NUDCD1: variants seen among roughly 807,000 people sequenced by gnomAD.
The protein encoded by NUDCD1 is NudC domain containing 1, also known as nudC domain-containing protein 1.
NUDCD1 carries 60 observed loss-of-function variants against 67.8 expected under a neutral mutation model. The ratio of observed to expected loss-of-function variants is 0.88; its 90% confidence interval spans 0.72 to 1.10. NUDCD1 has a LOEUF of 1.10. Ranked by LOEUF, NUDCD1 falls within the 50% of genes least tolerant of loss-of-function variation. NUDCD1 has a pLI of 0.00. For synonymous variants in NUDCD1, 244 were observed against 230.8 expected, an observed-to-expected ratio of 1.06 and a Z score of -0.52; for missense variants, 643 against 695.0, an observed-to-expected ratio of 0.93 and a Z score of 0.84.
chr8:109,278,774 G>A (rs997652553), intron 6 of NUDCD1, among the ~76,000 whole-genome samples: 1 of 152,138 alleles, frequency 6.6e-6, no homozygotes, highest in Admixed American at 6.5e-5. Flanking sequence ...TATACCACAC[G>A]TACTTATCCA....
In NUDCD1 at chr8:109,322,354, G is replaced by A. The variant is rs1479393301; in HGVS notation, c.228C>T (p.Tyr76=). The A allele has an allele frequency of 6.3e-7, 1 of 1,581,332 alleles. No individual in the cohort carries two copies. The highest frequency in any genetic ancestry group is 1.7e-5 in the Admixed American group (1 of 59,904). The change falls in exon 2 of 10, where the codon TAC becomes TAT. Residue 76 remains tyrosine (Y), a synonymous_variant. Coordinates refer to ENST00000239690, the MANE Select transcript of NUDCD1 (RefSeq NM_032869.4). ...HCDSWYQDSV[Y]YIDTLGRIMN... is the part of the protein sequence containing the mutation. ...TAATTCTTCCAAGGGTATCAATATA[G>A]TAGACACTGTCTTGATACCATGAAT...
intron 1 of NUDCD1, among the ~76,000 whole-genome samples, chr8:109,325,884 C>G (rs148012104): frequency 6.6e-6 from 1 of 152,174 alleles, no homozygotes; most frequent in Non-Finnish European, 1.5e-5. Flanking sequence ...AAAGCTATTG[C>G]AATCATCTGG....
Position 109,285,075 on chromosome 8 carries a change from TA to T in NUDCD1, c.824-3904del, listed in dbSNP as rs1814543390. Among the ~76,000 whole-genome samples, 3 of 150,806 alleles carry T rather than the reference TA, an allele frequency of 2.0e-5. No individual in the cohort carries two copies. In the South Asian group the frequency reaches 6.2e-4, roughly 31 times the overall value. ...AACTAGAAAATCCAGAGAAAATGGA[TA>T]AATTCCTAGAAACACAATCTCCCAA... On this transcript the variant is annotated intron_variant, in intron 5 of 9. Coordinates refer to ENST00000239690, the MANE Select transcript of NUDCD1 (RefSeq NM_032869.4).
In NUDCD1 at chr8:109,322,407, A is replaced by C. The variant is rs1321496310; in HGVS notation, c.175T>G (p.Phe59Val). 2.5e-6 allele frequency: 4 copies of C among 1,605,926 alleles called. No individual in the cohort carries two copies. The highest frequency in any genetic ancestry group is 3.4e-6 in the Non-Finnish European group (4 of 1,173,284). ...CAGTGCAGGTAATTATACATTCCAA[A>C]AGCATGCATGTGTTCCAGTGTATAT... ...DQYTLEHMHAFGMYNYLHCDS... is the reference protein window; with the variant it reads ...DQYTLEHMHAVGMYNYLHCDS... The change falls in exon 2 of 10, where the codon TTT (phenylalanine) becomes GTT (valine). Residue 59 changes from phenylalanine (F) to valine (V), a missense_variant. Coordinates refer to ENST00000239690, the MANE Select transcript of NUDCD1 (RefSeq NM_032869.4).
chr8:109,312,298 C>CAAAAAAAAA lies in NUDCD1; in HGVS notation c.273+10002_273+10010dup, dbSNP rs5893951. ...CCCGGGCAACAGAGCGAGACACTGT[C>CAAAAAAAAA]AAAAAAAAAAAAAAAAAAAAAAGCC... On this transcript the variant is annotated intron_variant, in intron 2 of 9. Transcript: ENST00000239690. Among the ~76,000 whole-genome samples, 2 of 82,608 alleles carry CAAAAAAAAA rather than the reference C, an allele frequency of 2.4e-5. 1 individual carries two copies. The highest frequency in any genetic ancestry group is 9.3e-5 in the African/African-American group (2 of 21,442). The allele number at this position is 82,608 out of a possible 152,430, so 54.2% of individuals were successfully genotyped here.
Position 109,279,392 on chromosome 8 carries a change from C to T in NUDCD1, c.1028+1576G>A, listed in dbSNP as rs548962732. ...TTTGATGTGCTTACTAGCTGTTCATCTATCTTCTATTGTGACATGTCTATT... is the reference window on the plus strand; with the variant it reads ...TTTGATGTGCTTACTAGCTGTTCATTTATCTTCTATTGTGACATGTCTATT... On this transcript the variant is annotated intron_variant, in intron 6 of 9. Transcript: ENST00000239690. Among the ~76,000 whole-genome samples, 3 of 152,248 alleles carry T rather than the reference C, an allele frequency of 2.0e-5. No homozygotes were observed. The South Asian group carries it at 6.2e-4, about 32-fold the overall frequency.
intron 2 of NUDCD1, among the ~76,000 whole-genome samples, chr8:109,309,205 T>A (rs1815180970): frequency 6.6e-6 from 1 of 150,932 alleles, no homozygotes; most frequent in African/African-American, 2.5e-5. Flanking sequence ...GATGCTATAA[T>A]CCTTAACAAA....
rs778890090 is a variant in NUDCD1 at position 109,243,270 on chromosome 8, T to A, written c.1491A>T (p.Lys497Asn). 51 of 1,600,472 alleles carry A rather than the reference T, an allele frequency of 3.2e-5. No individual in the cohort carries two copies. The highest frequency in any genetic ancestry group is 1.7e-5 in the Admixed American group (1 of 59,492). ...AGTAATTTGGAGCACAGGCAAAAAA[T>A]TTTTTGTCTCTCTTTGATGCTTGGA... ...GYVQASKRDK[K>N]FFACAPNYSY... The change falls in exon 10 of 10, where the codon AAA (lysine) becomes AAT (asparagine). Residue 497 changes from lysine to asparagine, a missense_variant. Lys to Asn is a moderately conservative substitution (Grantham distance 94, BLOSUM62 0). Transcript: ENST00000239690.
chr8:109,302,011 T>C (rs1265959293), intron 2 of NUDCD1, among the ~76,000 whole-genome samples: 3 of 152,072 alleles, frequency 2.0e-5, no homozygotes, highest in Admixed American at 6.5e-5. Flanking sequence ...GCTCACTACC[T>C]CCCTTCTCCC....
At chr8:109,311,557 G>GTATATATATATATATATATATATA (rs569380890) in intron 2 of NUDCD1, among the ~76,000 whole-genome samples, 36 of 62,680 alleles carry the variant, frequency 5.7e-4, no homozygotes, top group Non-Finnish European at 7.7e-4. Flanking sequence ...AGAAACTGTG[G>GTATATATATATATATATATATATA]TGTATATATA....
chr8:109,282,686 GT>G (rs1814477291), intron 5 of NUDCD1, among the ~76,000 whole-genome samples: 3 of 142,192 alleles, frequency 2.1e-5, no homozygotes, highest in African/African-American at 7.7e-5. Flanking sequence ...TTGTCGGGGG[GT>G]GGGGGGCTAG....
intron 8 of NUDCD1, among the ~76,000 whole-genome samples, chr8:109,270,574 C>T (rs1814126182): frequency 6.6e-6 from 1 of 152,024 alleles, no homozygotes; most frequent in African/African-American, 2.4e-5. Context: ...ATAGCATCAT[C>T]ATAAATAATG....
At chr8:109,259,810 A>G (rs761294723) in intron 8 of NUDCD1, among the ~76,000 whole-genome samples, 2 of 152,210 alleles carry the variant, frequency 1.3e-5, no homozygotes, top group African/African-American at 2.4e-5. Flanking sequence ...GATTTTCATG[A>G]TAAGTTTCAC....
intron 2 of NUDCD1, among the ~76,000 whole-genome samples, chr8:109,316,845 C>T (rs1316631006): frequency 6.6e-6 from 1 of 152,118 alleles, no homozygotes; most frequent in Non-Finnish European, 1.5e-5. Flanking sequence ...GAAATGGTAC[C>T]TTGAAATTAG....
chr8:109,326,498 C>T (rs960050238), intron 1 of NUDCD1, among the ~76,000 whole-genome samples: 2 of 152,158 alleles, frequency 1.3e-5, no homozygotes, highest in Non-Finnish European at 2.9e-5. Context: ...AAGTAGGGGG[C>T]AGCGAGGCTT....
Position 109,247,471 on chromosome 8 carries a change from T to A in NUDCD1, c.1300-1990A>T, listed in dbSNP as rs146988483. On this transcript the variant is annotated intron_variant, in intron 8 of 9. Coordinates refer to ENST00000239690, the MANE Select transcript of NUDCD1 (RefSeq NM_032869.4). ...AAAGGTGACCACCAAGGGAGATCAATCATGAAAATAAGAGGATAAGAATGA... is the reference window on the plus strand; with the variant it reads ...AAAGGTGACCACCAAGGGAGATCAAACATGAAAATAAGAGGATAAGAATGA... Among the ~76,000 whole-genome samples the A allele has an allele frequency of 4.2e-3, 632 of 152,262 alleles. 6 individuals are homozygous for A. The highest frequency in any genetic ancestry group is 0.015 in the African/African-American group (606 of 41,568).
chr8:109,289,621 C>T (rs1814655985), intron 5 of NUDCD1, 130 bp downstream of exon 5: 2 of 524,148 alleles, frequency 3.8e-6, no homozygotes, highest in Non-Finnish European at 6.7e-6. Context: ...CTGGAAAATA[C>T]ATGAGAAAAT....
intron 5 of NUDCD1, among the ~76,000 whole-genome samples, chr8:109,285,744 C>T (rs1038084476): frequency 1.3e-5 from 2 of 152,022 alleles, no homozygotes; most frequent in Admixed American, 1.3e-4. Context: ...CTCTTGAGAA[C>T]TGAAACAAGA....
intron 7 of NUDCD1, among the ~76,000 whole-genome samples, chr8:109,274,646 C>T (rs902486724): frequency 3.3e-5 from 5 of 152,238 alleles, no homozygotes; most frequent in South Asian, 2.1e-4. Flanking sequence ...ATATTCCAGT[C>T]CTTCTTTTCT....
Sources: allele counts gnomAD v4.1 joint callset (sites outside exome capture counted in the v4.1 genomes callset), GRCh38; gene constraint gnomAD v4.1.1; transcripts MANE v1.5; gene names NCBI Gene and HGNC (gene_info 2026-07-23, HGNC 2026-07-21).